Variants in YEATS2 observed in about 807,000 individuals in gnomAD.
YEATS2 encodes YEATS domain-containing protein 2.
Under a neutral mutation model 163.2 loss-of-function variants are expected in YEATS2, and 77 were observed. The ratio of observed to expected loss-of-function variants is 0.47; its 90% confidence interval spans 0.39 to 0.57. The LOEUF (loss-of-function observed/expected upper bound fraction) is 0.57, where lower values mean the gene tolerates loss of function less well. YEATS2 is among the 20% of genes least tolerant of loss of function. The pLI is 0.00. For missense variants in YEATS2, 1,549 were observed against 1,729.8 expected (o/e 0.90, Z 1.85); for synonymous variants, 631 against 645.1 (o/e 0.98, Z 0.33).
chr3:183,738,075 A>G (rs1243345861), intron 8 of YEATS2, among the ~76,000 whole-genome samples: 5 of 152,158 alleles, frequency 3.3e-5, no homozygotes, highest in Non-Finnish European at 5.9e-5. Flanking sequence ...ACGACAAACC[A>G]TGCTCATAGG....
intron 11 of YEATS2, among the ~76,000 whole-genome samples, chr3:183,755,529 C>T (rs192354137): frequency 9.2e-5 from 14 of 152,136 alleles, no homozygotes; most frequent in Non-Finnish European, 1.5e-4. Context: ...TCATGGATGA[C>T]GTTTGATCAA....
intron 15 of YEATS2, among the ~76,000 whole-genome samples, chr3:183,765,763 A>G (rs978255742): frequency 1.3e-5 from 2 of 152,118 alleles, no homozygotes. Flanking sequence ...CCTGGCCAAC[A>G]TGGTGAAACC....
intron 17 of YEATS2, among the ~76,000 whole-genome samples, 193 bp downstream of exon 17, chr3:183,773,987 G>C (rs535690852): frequency 6.6e-6 from 1 of 152,192 alleles, no homozygotes; most frequent in African/African-American, 2.4e-5. Flanking sequence ...GCTCCTCAGC[G>C]TTTGCAATCA....
At chr3:183,779,898 A>G (rs1342562524) in intron 19 of YEATS2, among the ~76,000 whole-genome samples, 2 of 151,384 alleles carry the variant, frequency 1.3e-5, no homozygotes, top group Non-Finnish European at 2.9e-5. Flanking sequence ...GGGTTTCACC[A>G]CGTTGGTCAG....
At chr3:183,800,597 T>A (rs1487418151) in intron 24 of YEATS2, 29 bp downstream of exon 24, 15 of 1,590,288 alleles carry the variant, frequency 9.4e-6, no homozygotes, top group Middle Eastern at 3.3e-4. Flanking sequence ...CCTAAAGGAA[T>A]TCCGCTTCGG....
intron 29 of YEATS2, 80 bp from the exon 30 acceptor site, chr3:183,809,017 G>GT: frequency 6.9e-7 from 1 of 1,457,526 alleles, no homozygotes; most frequent in Non-Finnish European, 9.6e-7. Context: ...AACATTTGGG[G>GT]TAAGGGATGG....
At chr3:183,786,666 A>G (rs1441703230) in intron 20 of YEATS2, among the ~76,000 whole-genome samples, 1 of 151,916 alleles carries the variant, frequency 6.6e-6, no homozygotes, top group East Asian at 1.9e-4. Context: ...AGGGAGTCAT[A>G]TAACATGCCC....
intron 15 of YEATS2, among the ~76,000 whole-genome samples, chr3:183,772,021 C>T (rs1320844220): frequency 6.6e-6 from 1 of 152,106 alleles, no homozygotes; most frequent in Non-Finnish European, 1.5e-5. Flanking sequence ...GCCACCACGC[C>T]CGGCCAAACT....
intron 1 of YEATS2, among the ~76,000 whole-genome samples, chr3:183,713,395 T>C (rs1452006458): frequency 2.0e-5 from 3 of 152,162 alleles, no homozygotes; most frequent in Admixed American, 2.0e-4. Flanking sequence ...AAACCTTGTC[T>C]ATACAGAAAT....
intron 15 of YEATS2, among the ~76,000 whole-genome samples, chr3:183,770,198 C>G (rs1312710344): frequency 1.3e-5 from 2 of 151,504 alleles, no homozygotes; most frequent in Non-Finnish European, 3.0e-5. Flanking sequence ...ACCGTCCTGG[C>G]TAACACGGTG....
chr3:183,754,249 C>T lies in YEATS2; in HGVS notation c.1274C>T (p.Ser425Leu), dbSNP rs1027436898. The T allele has an allele frequency of 1.3e-5, 21 of 1,614,164 alleles. No individual in the cohort carries two copies. The highest frequency in any genetic ancestry group is 1.8e-5 in the Non-Finnish European group (21 of 1,180,018). ...GTTACCTTTTGTTCCCATGGCAATT[C>T]AGCTTTCCAGCCAATAGCATCAAGC... ...QKVTFCSHGN[S>L]AFQPIASSCK... Residue 425 changes from serine (S) to leucine (L), a missense_variant, in exon 11 of 31, where the codon TCA becomes TTA. Ser to Leu is a moderately radical substitution (Grantham distance 145). Transcript: ENST00000305135.
intron 20 of YEATS2, among the ~76,000 whole-genome samples, chr3:183,788,400 G>A (rs1156958121): frequency 6.6e-6 from 1 of 152,168 alleles, no homozygotes; most frequent in Non-Finnish European, 1.5e-5. Flanking sequence ...GAGAACGTGT[G>A]AAATGTGTCT....
intron 1 of YEATS2, among the ~76,000 whole-genome samples, chr3:183,710,215 T>C (rs762616390): frequency 1.8e-4 from 28 of 152,350 alleles, no homozygotes; most frequent in Non-Finnish European, 2.2e-4. Flanking sequence ...TGTTTCCAAG[T>C]TGAATTGACC....
intron 2 of YEATS2, 72 bp downstream of exon 2, chr3:183,715,334 A>G: frequency 9.0e-7 from 1 of 1,111,314 alleles, no homozygotes; most frequent in Non-Finnish European, 1.3e-6. Context: ...CAGGAACTAG[A>G]ATGAAATGAA....
At position 183,804,026 on chromosome 3, in the gene YEATS2, A is replaced by G. The variant is rs764152704; in HGVS notation, c.3622A>G (p.Ile1208Val). 4 of 1,614,148 alleles carry G rather than the reference A, an allele frequency of 2.5e-6. No individual in the cohort carries two copies. In the South Asian group the frequency reaches 4.4e-5, roughly 18 times the overall value. Residue 1208 changes from isoleucine (I) to valine (V), a missense_variant, in exon 27 of 31, where the codon ATC becomes GTC. By Grantham distance (29) the Ile-to-Val change is conservative. Coordinates refer to ENST00000305135, the MANE Select transcript of YEATS2 (RefSeq NM_018023.5). ...AMTMRKVLQEILEKNPRFHHL... is the reference protein window; with the variant it reads ...AMTMRKVLQEVLEKNPRFHHL... Reference sequence around the variant, plus strand: ...GACAATGCGAAAAGTCTTACAAGAAATCCTGGAGAAGAATCCGAGATTTCA... The same window carrying G: ...GACAATGCGAAAAGTCTTACAAGAAGTCCTGGAGAAGAATCCGAGATTTCA...
intron 9 of YEATS2, among the ~76,000 whole-genome samples, chr3:183,749,609 CAG>C (rs1201286812): frequency 3.3e-5 from 5 of 152,064 alleles, no homozygotes; most frequent in Non-Finnish European, 5.9e-5. Context: ...TAGCGTATGT[CAG>C]AATTTCCTTC....
intron 21 of YEATS2, among the ~76,000 whole-genome samples, chr3:183,795,543 C>T (rs1284054580): frequency 6.7e-6 from 1 of 148,556 alleles, no homozygotes; most frequent in Non-Finnish European, 1.5e-5. Context: ...TCAACCAGTC[C>T]TCCCTTCTTG....
At chr3:183,785,226 G>A (rs995044290) in intron 19 of YEATS2, among the ~76,000 whole-genome samples, 1 of 151,770 alleles carries the variant, frequency 6.6e-6, no homozygotes, top group South Asian at 2.1e-4. Context: ...GTGGCTTCAC[G>A]CCAGTAATCC....
At chr3:183,742,835 T>C (rs994852084) in intron 8 of YEATS2, among the ~76,000 whole-genome samples, 1 of 152,212 alleles carries the variant, frequency 6.6e-6, no homozygotes, top group Non-Finnish European at 1.5e-5. Context: ...AATTCATTGT[T>C]GTCTTGTTTT....
Sources: allele counts gnomAD v4.1 joint callset (sites outside exome capture counted in the v4.1 genomes callset), GRCh38; gene constraint gnomAD v4.1.1; transcripts MANE v1.5; gene names NCBI Gene and HGNC (gene_info 2026-07-23, HGNC 2026-07-21).